The following KCNIP4 variants were observed in gnomAD, a reference collection of about 807,000 sequenced individuals.
The protein encoded by KCNIP4 is Kv channel-interacting protein 4.
KCNIP4 carries 12 observed loss-of-function variants against 34.0 expected under a neutral mutation model. The observed-to-expected ratio is 0.35, with a 90% confidence interval of 0.23 to 0.57. The LOEUF is 0.57. Among genes scored for constraint, KCNIP4 ranks in the 20% least tolerant of loss-of-function variants. The pLI, the probability that KCNIP4 is intolerant of heterozygous loss-of-function variation, is 0.83. For synonymous variants in KCNIP4, 124 were observed against 102.2 expected (o/e 1.21, Z -1.29); for missense variants, 238 against 311.7 (o/e 0.76, Z 1.78).
chr4:21,659,628 A>G (rs1296981604), intron 1 of KCNIP4, among the ~76,000 whole-genome samples: 1 of 152,174 alleles, frequency 6.6e-6, no homozygotes, highest in African/African-American at 2.4e-5. Flanking sequence ...AATTTTGAAG[A>G]TTAAGAAAAA....
intron 1 of KCNIP4, among the ~76,000 whole-genome samples, chr4:20,985,061 G>C (rs1736449066): frequency 6.6e-6 from 1 of 152,144 alleles, no homozygotes; most frequent in East Asian, 1.9e-4. Context: ...GTTATCTCCA[G>C]TCTACTGAAG....
At chr4:21,269,305 A>G (rs556428809) in intron 1 of KCNIP4, among the ~76,000 whole-genome samples, 2 of 152,364 alleles carry the variant, frequency 1.3e-5, no homozygotes, top group South Asian at 2.1e-4. Context: ...ACTAGACATC[A>G]TAAGTAAGTG....
intron 1 of KCNIP4, chr4:21,852,962 C>T (rs569653543): frequency 1.3e-5 from 2 of 152,244 alleles, no homozygotes; most frequent in African/African-American, 2.4e-5. Context: ...TTAGAGAAAG[C>T]TTTTTAACAT....
At chr4:20,773,066 G>A (rs897369202) in intron 3 of KCNIP4, among the ~76,000 whole-genome samples, 1 of 149,508 alleles carries the variant, frequency 6.7e-6, no homozygotes, top group African/African-American at 2.5e-5. Flanking sequence ...AAAAAGTTTA[G>A]TCTGCTTAAT....
intron 1 of KCNIP4, among the ~76,000 whole-genome samples, chr4:21,211,732 C>A (rs143700446): frequency 1.5e-3 from 223 of 152,184 alleles, no homozygotes; most frequent in Middle Eastern, 6.8e-3. Flanking sequence ...CAGTATTTAA[C>A]TTCATCTTCA....
intron 1 of KCNIP4, among the ~76,000 whole-genome samples, chr4:20,962,876 G>C (rs1476323237): frequency 6.6e-6 from 1 of 152,144 alleles, no homozygotes; most frequent in African/African-American, 2.4e-5. Context: ...ATCCATTTCA[G>C]TTTGGCTTAC....
At chr4:20,737,912 G>C (rs1430393320) in intron 5 of KCNIP4, among the ~76,000 whole-genome samples, 1 of 152,148 alleles carries the variant, frequency 6.6e-6, no homozygotes. Context: ...TGGGAAGGTT[G>C]TTTGAGTCCA....
At chr4:21,943,521 C>A (rs553605820) in intron 1 of KCNIP4, among the ~76,000 whole-genome samples, 1 of 152,036 alleles carries the variant, frequency 6.6e-6, no homozygotes, top group African/African-American at 2.4e-5. Flanking sequence ...GCCTGGGCAA[C>A]AGAGTGAGAC....
intron 1 of KCNIP4, among the ~76,000 whole-genome samples, chr4:21,819,998 G>A (rs1388583358): frequency 6.6e-6 from 1 of 151,854 alleles, no homozygotes; most frequent in East Asian, 1.9e-4. Context: ...ATTTGATATA[G>A]CTATCTAAAT....
chr4:20,873,495 A>G (rs770607795), intron 2 of KCNIP4, among the ~76,000 whole-genome samples: 1 of 151,976 alleles, frequency 6.6e-6, no homozygotes, highest in Non-Finnish European at 1.5e-5. Flanking sequence ...TTTTGGTGTT[A>G]TTTTACCACT....
rs1047069882 is a variant in KCNIP4 at position 20,805,686 on chromosome 4, A to G, written c.288+44857T>C. 9.9e-5 allele frequency among the ~76,000 whole-genome samples: 15 copies of G among 152,174 alleles called. 1 individual carries two copies. Among genetic ancestry groups the G allele is most frequent in the Non-Finnish European group, 1.5e-5 (1 of 68,008 alleles). On this transcript the variant is annotated intron_variant, in intron 3 of 8. Coordinates refer to ENST00000382152, the MANE Select transcript of KCNIP4 (RefSeq NM_025221.6). ...TCTGCTAACTCTTGATTAGACTACAAACTGATCTCTGTAATACACAGACAA... is the reference window on the plus strand; with the variant it reads ...TCTGCTAACTCTTGATTAGACTACAGACTGATCTCTGTAATACACAGACAA...
chr4:21,398,852 A>G (rs186345085), intron 1 of KCNIP4, among the ~76,000 whole-genome samples: 30 of 152,334 alleles, frequency 2.0e-4, no homozygotes, highest in African/African-American at 6.3e-4. Context: ...GACTTAAGAA[A>G]TCACTTATTT....
chr4:20,886,066 C>G (rs140150429), intron 1 of KCNIP4, among the ~76,000 whole-genome samples: 121 of 152,304 alleles, frequency 7.9e-4, no homozygotes, highest in Non-Finnish European at 9.7e-4. Flanking sequence ...ATATTTGACA[C>G]GTCTTCCCTA....
chr4:21,748,192 C>A (rs1256534892), intron 1 of KCNIP4, among the ~76,000 whole-genome samples: 2 of 152,134 alleles, frequency 1.3e-5, no homozygotes, highest in East Asian at 1.9e-4. Flanking sequence ...CCACATTTCA[C>A]AAAACTGTCC....
chr4:21,563,145 CT>C (rs1739590772), intron 1 of KCNIP4, among the ~76,000 whole-genome samples: 1 of 151,790 alleles, frequency 6.6e-6, no homozygotes, highest in Non-Finnish European at 1.5e-5. Context: ...TTTTGCAATG[CT>C]AATAACTACT....
intron 1 of KCNIP4, among the ~76,000 whole-genome samples, chr4:21,451,810 C>G (rs904457230): frequency 2.0e-5 from 3 of 152,066 alleles, no homozygotes; most frequent in African/African-American, 7.3e-5. Flanking sequence ...GTCTTTACTG[C>G]TAACAACATA....
intron 3 of KCNIP4, among the ~76,000 whole-genome samples, chr4:20,806,942 T>C (rs1715178762): frequency 6.6e-6 from 1 of 152,144 alleles, no homozygotes; most frequent in Non-Finnish European, 1.5e-5. Context: ...ATCCAACTAG[T>C]AACATTCATT....
chr4:20,931,198 GACAC>G (rs901352484), intron 1 of KCNIP4, among the ~76,000 whole-genome samples: 1 of 108,248 alleles, frequency 9.2e-6, no homozygotes, highest in South Asian at 2.7e-4. Flanking sequence ...CACACACACA[GACAC>G]ACACACACAC....
intron 1 of KCNIP4, among the ~76,000 whole-genome samples, chr4:21,209,722 T>G (rs1466826063): frequency 1.3e-5 from 2 of 152,024 alleles, no homozygotes; most frequent in Non-Finnish European, 2.9e-5. Context: ...TGTATTTTCT[T>G]TTTATCCCTA....
Sources: gnomAD v4.1 joint callset for allele counts (sites outside exome capture counted in the v4.1 genomes callset) on GRCh38, gnomAD v4.1.1 for gene constraint, MANE v1.5 for transcripts, NCBI Gene and HGNC (gene_info 2026-07-23, HGNC 2026-07-21) for gene names.